PCMTD1: variants seen among roughly 807,000 people sequenced by gnomAD.
The protein encoded by PCMTD1 is protein-L-isoaspartate (D-aspartate) O-methyltransferase domain containing 1, also known as protein-L-isoaspartate O-methyltransferase domain-containing protein 1.
A neutral mutation model predicts 37.6 loss-of-function variants in PCMTD1; 12 were observed. The ratio of observed to expected loss-of-function variants is 0.32; its 90% CI spans 0.20 to 0.52. The LOEUF is 0.52. Ranked by LOEUF, PCMTD1 falls within the 20% of genes least tolerant of loss-of-function variation. The pLI is 0.97. For missense variants in PCMTD1, 235 were observed against 421.3 expected (o/e 0.56, Z 3.87); for synonymous variants, 117 against 135.8 (o/e 0.86, Z 0.96).
Position 51,895,934 on chromosome 8 carries a change from A to ATTTTTTTTTTTTTTTTTTTTTTTTT in PCMTD1, c.-96+2995_-96+2996insAAAAAAAAAAAAAAAAAAAAAAAAA, listed in dbSNP as rs1563367741. The ATTTTTTTTTTTTTTTTTTTTTTTTT allele has an allele frequency of 3.4e-5, 4 of 116,670 alleles. 2 individuals carry two copies. The highest frequency in any genetic ancestry group is 3.4e-5 in the Non-Finnish European group (2 of 58,622). The allele number at this position is 116,670 out of a possible 1,614,324, so 7.2% of individuals were successfully genotyped here. A position where few individuals can be genotyped will look rare whatever the true frequency, so the allele number is the denominator to read the frequency against. On this transcript the variant is annotated intron_variant, in intron 1 of 5. Transcript: ENST00000522514. ...CTTTATTAATGTTAGTATTTGTCCC[A>ATTTTTTTTTTTTTTTTTTTTTTTTT]TTTCTTTTTTTTTTTTTTTTTTTTT...
rs139006722 is a variant in PCMTD1, at chr8:51,861,915, T to C, written c.-95-669A>G. On this transcript the variant is annotated intron_variant, in intron 1 of 5. Coordinates refer to ENST00000522514, the MANE Select transcript of PCMTD1 (RefSeq NM_052937.4). The stretch of plus-strand genomic sequence containing the variant: ...TTTTTGTAGAGACAGGGTTTCACCA[T>C]GTTGCCCAAACTAGTCTCAAACTCC... 1.4e-4 allele frequency among the ~76,000 whole-genome samples: 21 copies of C among 152,140 alleles called. No individual in the cohort carries two copies. In the East Asian group the frequency reaches 3.9e-3, roughly 28 times the overall value.
At chr8:51,893,983 AT>A (rs2038968593) in intron 1 of PCMTD1, among the ~76,000 whole-genome samples, 1 of 152,234 alleles carries the variant, frequency 6.6e-6, no homozygotes, top group Non-Finnish European at 1.5e-5. Context: ...ATATAATCCA[AT>A]TACAACTGTT....
chr8:51,892,052 A>C (rs1406488750), intron 1 of PCMTD1, among the ~76,000 whole-genome samples: 2 of 152,322 alleles, frequency 1.3e-5, no homozygotes, highest in Admixed American at 6.5e-5. Flanking sequence ...AACCATGAGG[A>C]GCAGACACAG....
intron 1 of PCMTD1, among the ~76,000 whole-genome samples, chr8:51,861,720 T>C (rs1012985437): frequency 2.0e-5 from 3 of 150,964 alleles, no homozygotes; most frequent in East Asian, 1.9e-4. Flanking sequence ...CCATGTTTTT[T>C]TTTTAATTTT....
chr8:51,832,141 T>C (rs776223312), intron 4 of PCMTD1, among the ~76,000 whole-genome samples: 19 of 152,336 alleles, frequency 1.2e-4, no homozygotes, highest in Non-Finnish European at 2.4e-4. Context: ...AATTAGTATA[T>C]TCAACTTCTA....
At chr8:51,871,161 G>C (rs925757234) in intron 1 of PCMTD1, among the ~76,000 whole-genome samples, 3 of 152,128 alleles carry the variant, frequency 2.0e-5, no homozygotes, top group African/African-American at 7.2e-5. Context: ...CTCAAATCTA[G>C]CAAAGCTATC....
intron 2 of PCMTD1, among the ~76,000 whole-genome samples, chr8:51,856,859 G>T (rs2038397682): frequency 6.6e-6 from 1 of 152,202 alleles, no homozygotes. Flanking sequence ...GCTGAGTACT[G>T]GGAGGGGATG....
intron 1 of PCMTD1, among the ~76,000 whole-genome samples, chr8:51,895,160 T>C (rs1459146631): frequency 1.3e-5 from 2 of 152,186 alleles, no homozygotes; most frequent in Non-Finnish European, 1.5e-5. Context: ...AGGTAACACC[T>C]ACAGGCAACA....
chr8:51,833,677 A>G lies in PCMTD1; in HGVS notation c.423T>C (p.Cys141=). The G allele has an allele frequency of 6.2e-7, 1 of 1,607,882 alleles. No individual in the cohort carries two copies. Among genetic ancestry groups the G allele is most frequent in the Middle Eastern group, 1.7e-4 (1 of 6,056 alleles). The change falls in exon 4 of 6, where the codon TGT becomes TGC. Residue 141 remains cysteine (C), a synonymous_variant. Coordinates refer to ENST00000522514, the MANE Select transcript of PCMTD1 (RefSeq NM_052937.4). ...NSDSFDKFEF[C]EPAFVVGNCL... ...AATTACCAACAACAAATGCAGGTTC[A>G]CAGAACTCAAATCTGCATTGAAAAA...
Position 51,898,998 on chromosome 8 carries a change from G to C in PCMTD1, c.-164C>G, listed in dbSNP as rs1405136266. 1 of 1,510,484 alleles carries C rather than the reference G, an allele frequency of 6.6e-7. No homozygotes were observed. The highest frequency in any genetic ancestry group is 8.8e-7 in the Non-Finnish European group (1 of 1,136,600). 93.6% of individuals were successfully genotyped at this position (1,510,484 alleles called of 1,614,324 possible). The stretch of plus-strand genomic sequence containing the variant: ...GCGGGGTCCGCAGCAGCCAGACGCC[G>C]CTACCACCACAATAACAACACGGAC... On this transcript the variant is annotated 5_prime_UTR_variant, in exon 1 of 6. Coordinates refer to ENST00000522514, the MANE Select transcript of PCMTD1 (RefSeq NM_052937.4).
chr8:51,853,737 G>A (rs1016402401), intron 2 of PCMTD1, among the ~76,000 whole-genome samples: 2 of 151,866 alleles, frequency 1.3e-5, no homozygotes, highest in Non-Finnish European at 2.9e-5. Flanking sequence ...GCCACCCCAC[G>A]AACTGTTGCC....
chr8:51,846,290 T>C (rs2038218669), intron 2 of PCMTD1, among the ~76,000 whole-genome samples: 1 of 152,182 alleles, frequency 6.6e-6, no homozygotes, highest in Admixed American at 6.5e-5. Flanking sequence ...CATGCTGGAC[T>C]TGACTCTCAT....
At chr8:51,838,360 G>A (rs1026596232) in intron 3 of PCMTD1, among the ~76,000 whole-genome samples, 5 of 151,460 alleles carry the variant, frequency 3.3e-5, no homozygotes, top group Admixed American at 2.0e-4. Context: ...ACGGTAGCAC[G>A]CGCCTATAGT....
rs79955345 is a variant in PCMTD1 at position 51,826,688 on chromosome 8, G to A, written c.706+4756C>T. Reference sequence around the variant, plus strand: ...AGATTGAAAACGGCATTTTATTTACGTTGAACCATATAAAACTAATGATTT... The same window carrying A: ...AGATTGAAAACGGCATTTTATTTACATTGAACCATATAAAACTAATGATTT... On this transcript the variant is annotated intron_variant, in intron 5 of 5. Coordinates refer to ENST00000522514, the MANE Select transcript of PCMTD1 (RefSeq NM_052937.4). Among the ~76,000 whole-genome samples, 700 of 152,104 alleles carry A rather than the reference G, an allele frequency of 4.6e-3. 27 individuals carry two copies. In the East Asian group the frequency reaches 0.095, roughly 21 times the overall value.
intron 1 of PCMTD1, among the ~76,000 whole-genome samples, chr8:51,873,152 A>G (rs2038662061): frequency 6.6e-6 from 1 of 152,266 alleles, no homozygotes; most frequent in Non-Finnish European, 1.5e-5. Context: ...GCACTTTAAC[A>G]TCATTTCATA....
At chr8:51,847,703 A>C (rs781597598) in intron 2 of PCMTD1, among the ~76,000 whole-genome samples, 2 of 152,216 alleles carry the variant, frequency 1.3e-5, no homozygotes, top group Non-Finnish European at 2.9e-5. Flanking sequence ...CTATCCTATG[A>C]CATAAACCTA....
intron 1 of PCMTD1, among the ~76,000 whole-genome samples, chr8:51,864,376 C>A (rs1436462548): frequency 5.3e-5 from 8 of 152,174 alleles, no homozygotes; most frequent in Non-Finnish European, 1.0e-4. Context: ...TGGACTTGAA[C>A]AACGCTTTAG....
chr8:51,898,861 C>T, intron 1 of PCMTD1, 69 bp downstream of exon 1: 4 of 1,238,256 alleles, frequency 3.2e-6, no homozygotes, highest in East Asian at 3.2e-5. Context: ...ATCCCAGTCG[C>T]CCGCCCGGCC....
At chr8:51,872,109 A>C (rs1486801043) in intron 1 of PCMTD1, among the ~76,000 whole-genome samples, 1 of 152,220 alleles carries the variant, frequency 6.6e-6, no homozygotes, top group Non-Finnish European at 1.5e-5. Context: ...GTGATAAAGT[A>C]ATATATAAAA....
Sources: gnomAD v4.1 joint callset for allele counts (sites outside exome capture counted in the v4.1 genomes callset) on GRCh38, gnomAD v4.1.1 for gene constraint, MANE v1.5 for transcripts, NCBI Gene and HGNC (gene_info 2026-07-23, HGNC 2026-07-21) for gene names.